The following AGBL3 variants were observed in gnomAD, a reference collection of about 807,000 sequenced individuals.
The protein encoded by AGBL3 is AGBL carboxypeptidase 3, also known as cytosolic carboxypeptidase 3.
A neutral mutation model predicts 94.5 loss-of-function variants in AGBL3; 68 were observed. The ratio of observed to expected loss-of-function variants is 0.72; its 90% confidence interval spans 0.59 to 0.88. The LOEUF is 0.88. AGBL3 is among the 40% of genes least tolerant of loss of function. AGBL3 has a pLI of 0.00. For missense variants in AGBL3, 934 were observed against 1,103.8 expected (o/e 0.85, Z 2.18); for synonymous variants, 354 against 370.7 (o/e 0.95, Z 0.52).
At position 135,076,447 on chromosome 7, in the gene AGBL3, C is replaced by A; in HGVS notation, c.1959C>A (p.His653Gln). ...KKERNSTIASHQNARGQEVYD... is the reference protein window; with the variant it reads ...KKERNSTIASQQNARGQEVYD... ...AAAGGAATTCTACCATAGCAAGCCA[C>A]CAAAATGCCAGAGGACAAGAGGTAA... Residue 653 changes from histidine (H) to glutamine (Q), a missense_variant, in exon 13 of 17, where the codon CAC becomes CAA. Transcript: ENST00000436302. 1 of 1,549,080 alleles carries A rather than the reference C, an allele frequency of 6.5e-7. No homozygotes were observed. Among genetic ancestry groups the A allele is most frequent in the Non-Finnish European group, 8.7e-7 (1 of 1,145,100 alleles).
intron 16 of AGBL3, among the ~76,000 whole-genome samples, chr7:135,120,899 T>C (rs1336501212): frequency 2.0e-5 from 3 of 152,166 alleles, no homozygotes; most frequent in Non-Finnish European, 4.4e-5. Flanking sequence ...CAATCTTAGA[T>C]GTGTGTATAA....
chr7:135,088,199 G>A (rs1413189847), intron 15 of AGBL3, among the ~76,000 whole-genome samples: 1 of 152,022 alleles, frequency 6.6e-6, no homozygotes, highest in African/African-American at 2.4e-5. Context: ...CAGCCTAAAT[G>A]TGTCTTTATG....
intron 4 of AGBL3, among the ~76,000 whole-genome samples, chr7:135,013,852 A>G (rs1813444648): frequency 1.3e-5 from 2 of 152,222 alleles, no homozygotes; most frequent in South Asian, 4.1e-4. Flanking sequence ...GCATATGCCA[A>G]AAGCATCTGA....
chr7:135,044,283 T>A, intron 9 of AGBL3, 132 bp downstream of exon 9: 1 of 900,630 alleles, frequency 1.1e-6, no homozygotes, highest in Non-Finnish European at 1.5e-6. Context: ...ATCAATTCTA[T>A]AAACAGGATG....
At chr7:135,067,580 C>A (rs1256263869) in intron 12 of AGBL3, among the ~76,000 whole-genome samples, 1 of 152,196 alleles carries the variant, frequency 6.6e-6, no homozygotes, top group Non-Finnish European at 1.5e-5. Context: ...TTGCTGTTCA[C>A]CAATATCCGC....
In AGBL3 at chr7:135,118,382, T is replaced by C. The variant is rs143883725; in HGVS notation, c.2342+2771T>C. Among the ~76,000 whole-genome samples, 1,304 of 152,280 alleles carry C rather than the reference T, an allele frequency of 8.6e-3. 9 individuals carry two copies. Among genetic ancestry groups the C allele is most frequent in the Admixed American group, 0.015 (228 of 15,288 alleles). ...CACCTAGACCCCACCCCAATCTCAATGGAGGCTACATATGGAGATGAACCT... is the reference window on the plus strand; with the variant it reads ...CACCTAGACCCCACCCCAATCTCAACGGAGGCTACATATGGAGATGAACCT... On this transcript the variant is annotated intron_variant, in intron 16 of 16. Coordinates refer to ENST00000436302, the MANE Select transcript of AGBL3 (RefSeq NM_178563.4).
At chr7:135,106,922 T>C (rs1258547099) in intron 15 of AGBL3, among the ~76,000 whole-genome samples, 1 of 152,196 alleles carries the variant, frequency 6.6e-6, no homozygotes, top group Non-Finnish European at 1.5e-5. Context: ...GGAATCGATT[T>C]CTTCCTGGTT....
chr7:134,994,019 A>T (rs1397773350), intron 4 of AGBL3, among the ~76,000 whole-genome samples: 1 of 152,246 alleles, frequency 6.6e-6, no homozygotes, highest in Non-Finnish European at 1.5e-5. Context: ...ACATGGGCTT[A>T]AATGGAGGCA....
At chr7:135,129,689 C>T (rs906852138) in intron 16 of AGBL3, 1 of 774,156 alleles carries the variant, frequency 1.3e-6, no homozygotes, top group African/African-American at 1.7e-5. Context: ...AGATTGAAGA[C>T]TAGTTAACTA....
chr7:135,112,803 T>C (rs1825822119), intron 15 of AGBL3, among the ~76,000 whole-genome samples: 1 of 152,154 alleles, frequency 6.6e-6, no homozygotes, highest in African/African-American at 2.4e-5. Context: ...AGATGGAGTA[T>C]TGATTGCTCT....
chr7:135,134,936 CA>C lies in AGBL3; in HGVS notation c.2441del (p.Asn814ThrfsTer34). 1 of 1,551,040 alleles carries C rather than the reference CA, an allele frequency of 6.4e-7. No individual in the cohort carries two copies. Among genetic ancestry groups the C allele is most frequent in the South Asian group, 1.2e-5 (1 of 84,036 alleles). On this transcript the variant is annotated frameshift_variant, in exon 17 of 17. Coordinates refer to ENST00000436302, the MANE Select transcript of AGBL3 (RefSeq NM_178563.4). LOFTEE classifies it low-confidence loss of function (END_TRUNC). ...TTTGTAATCCAAGGGGATGTTATGG[CA>C]AACTCTTCAGAATGGGTCCAGTCTA... The part of the protein sequence containing the change: ...HPFVIQGDVM[A>X]NSSEWVQSKP...
chr7:135,017,731 T>A (rs1225284187), intron 5 of AGBL3, among the ~76,000 whole-genome samples: 3 of 152,152 alleles, frequency 2.0e-5, no homozygotes, highest in Admixed American at 1.3e-4. Context: ...ATATTAAAGA[T>A]AACTTCCAGG....
chr7:135,123,273 C>A (rs1827399859), intron 16 of AGBL3, among the ~76,000 whole-genome samples: 1 of 152,078 alleles, frequency 6.6e-6, no homozygotes, highest in African/African-American at 2.4e-5. Context: ...GCCGAATCGA[C>A]CACGCAGAAG....
At chr7:135,025,033 C>T (rs761702914) in intron 5 of AGBL3, among the ~76,000 whole-genome samples, 4 of 151,514 alleles carry the variant, frequency 2.6e-5, no homozygotes, top group Non-Finnish European at 5.9e-5. Context: ...GAGTAAGCAA[C>T]TTGGAAAATG....
intron 4 of AGBL3, among the ~76,000 whole-genome samples, chr7:135,007,078 C>A (rs1018519014): frequency 6.6e-6 from 1 of 151,856 alleles, no homozygotes; most frequent in Non-Finnish European, 1.5e-5. Context: ...CAAATAGCTT[C>A]ATTGCTGAAT....
intron 1 of AGBL3, among the ~76,000 whole-genome samples, chr7:134,987,071 G>C (rs530349952): frequency 6.6e-6 from 1 of 152,272 alleles, no homozygotes; most frequent in South Asian, 2.1e-4. Flanking sequence ...TGATGCCCAG[G>C]CAGAAACTTC....
chr7:135,131,929 A>G (rs1281357533), intron 16 of AGBL3, among the ~76,000 whole-genome samples: 2 of 152,300 alleles, frequency 1.3e-5, no homozygotes, highest in East Asian at 3.9e-4. Flanking sequence ...CAACTTACAG[A>G]AAATGGATTA....
rs948694297 is a variant in AGBL3 at position 135,045,783 on chromosome 7, T to G, written c.1729-16T>G. On this transcript the variant is annotated splice_polypyrimidine_tract_variant and intron_variant, in intron 10 of 16. Coordinates refer to ENST00000436302, the MANE Select transcript of AGBL3 (RefSeq NM_178563.4). ...AAAGTTATTTCATAATGAGCTCATT[T>G]ATTACTTTTGCCTAGTATTATCGGT... 1 of 1,497,608 alleles carries G rather than the reference T, an allele frequency of 6.7e-7. No homozygotes were observed. Among genetic ancestry groups the G allele is most frequent in the East Asian group, 2.5e-5 (1 of 40,648 alleles). 92.8% of individuals were successfully genotyped at this position (1,497,608 alleles called of 1,614,324 possible).
At chr7:135,105,488 G>T (rs765002831) in intron 15 of AGBL3, among the ~76,000 whole-genome samples, 2 of 152,160 alleles carry the variant, frequency 1.3e-5, no homozygotes, top group African/African-American at 4.8e-5. Flanking sequence ...ATTGAATAGG[G>T]AATCTTTCCC....
Sources: gnomAD v4.1 joint callset for allele counts (sites outside exome capture counted in the v4.1 genomes callset) on GRCh38, gnomAD v4.1.1 for gene constraint, MANE v1.5 for transcripts, NCBI Gene and HGNC (gene_info 2026-07-23, HGNC 2026-07-21) for gene names.